EMC2: variants seen among roughly 807,000 people sequenced by gnomAD.
EMC2 encodes the protein TPR repeat protein 35.
EMC2 carries 37 observed loss-of-function variants against 51.6 expected under a neutral mutation model. That is an observed-to-expected ratio of 0.72 (90% CI 0.55 to 0.94). The LOEUF (loss-of-function observed/expected upper bound fraction) is 0.94, where lower values mean the gene tolerates loss of function less well. EMC2 is among the 40% of genes least tolerant of loss of function. The probability of loss-of-function intolerance (pLI) is 0.00; values close to 1 mark genes in which losing one functional copy is unlikely to be tolerated. For synonymous variants in EMC2, 131 were observed against 112.4 expected, an observed-to-expected ratio of 1.17 and a Z score of -1.04; for missense variants, 359 against 350.9, an observed-to-expected ratio of 1.02 and a Z score of -0.18.
At chr8:108,471,879 C>T (rs1453873739) in intron 7 of EMC2, among the ~76,000 whole-genome samples, 1 of 151,882 alleles carries the variant, frequency 6.6e-6, no homozygotes, top group Non-Finnish European at 1.5e-5. Flanking sequence ...AGAATGGTAA[C>T]ATCAATTTAC....
rs34429579 is a variant in EMC2, at chr8:108,486,488, C to CTTTTTTT, written c.808-13_808-7dup. 29 of 1,324,834 alleles carry CTTTTTTT rather than the reference C, an allele frequency of 2.2e-5. 2 individuals are homozygous for CTTTTTTT. Among genetic ancestry groups the CTTTTTTT allele is most frequent in the South Asian group, 1.5e-4 (8 of 51,896 alleles). 82.1% of individuals were successfully genotyped at this position (1,324,834 alleles called of 1,614,324 possible). ...GCCACTGAAATTGAGCCTAATTGAG[C>CTTTTTTT]TTTTTTTTTTTTTTTTTAATTAGTT... On this transcript the variant is annotated intron_variant, in intron 10 of 10. Coordinates refer to ENST00000220853, the MANE Select transcript of EMC2 (RefSeq NM_014673.5).
chr8:108,489,095 G>A lies in EMC2; in HGVS notation c.*2497G>A, dbSNP rs1024845652. On this transcript the variant is annotated 3_prime_UTR_variant, in exon 11 of 11. Coordinates refer to ENST00000220853, the MANE Select transcript of EMC2 (RefSeq NM_014673.5). ...TGAAGGAGGATTAAGGGGATCCTGG[G>A]TCCCTGATATGGCATTGTTGAACAC... Among the ~76,000 whole-genome samples the A allele has an allele frequency of 6.6e-6, 1 of 152,102 alleles. No homozygotes were observed. Among genetic ancestry groups the A allele is most frequent in the East Asian group, 1.9e-4 (1 of 5,194 alleles).
At chr8:108,463,300 G>A (rs1019573933) in intron 5 of EMC2, among the ~76,000 whole-genome samples, 3 of 152,150 alleles carry the variant, frequency 2.0e-5, no homozygotes, top group Admixed American at 6.5e-5. Flanking sequence ...AGAGATTATG[G>A]GAATCTAAAA....
At chr8:108,450,960 G>A (rs957336948) in intron 3 of EMC2, among the ~76,000 whole-genome samples, 1 of 152,182 alleles carries the variant, frequency 6.6e-6, no homozygotes, top group African/African-American at 2.4e-5. Context: ...CCAGCACTTT[G>A]GGAGGCCGAG....
chr8:108,459,721 A>AGAGTGTGTGTGTGT (rs763020311), intron 5 of EMC2, among the ~76,000 whole-genome samples: 2 of 136,878 alleles, frequency 1.5e-5, no homozygotes, highest in African/African-American at 5.9e-5. Context: ...AGAGAGAGAG[A>AGAGTGTGTGTGTGT]GTGTGTGTGT....
At chr8:108,472,842 A>G (rs1810881615) in intron 7 of EMC2, among the ~76,000 whole-genome samples, 1 of 152,002 alleles carries the variant, frequency 6.6e-6, no homozygotes, top group Admixed American at 6.6e-5. Context: ...TTTTTTAAGT[A>G]TAATAGGTCG....
Position 108,479,009 on chromosome 8 carries a change from G to T in EMC2, c.706G>T (p.Ala236Ser). Residue 236 changes from alanine (A) to serine (S), a missense_variant, in exon 10 of 11, where the codon GCA becomes TCA. Physicochemically the swap from Ala to Ser is moderately conservative, Grantham distance 99. Transcript: ENST00000220853. ...TGATGTTTTTATTTGTTTTTAGTCG[G>T]CAAGTCATATTGCTTCTAATCCAAA... is the stretch of plus-strand genomic sequence containing the variant. ...MRALFGLYMS[A>S]SHIASNPKAS... is the part of the protein sequence containing the mutation. 1 of 1,543,988 alleles carries T rather than the reference G, an allele frequency of 6.5e-7. No homozygotes were observed. The highest frequency in any genetic ancestry group is 8.7e-7 in the Non-Finnish European group (1 of 1,145,478).
chr8:108,485,452 T>TACATAGATATAATATATATAGGTA (rs1811118587), intron 10 of EMC2, among the ~76,000 whole-genome samples: 1 of 143,928 alleles, frequency 6.9e-6, no homozygotes, highest in African/African-American at 2.5e-5. Flanking sequence ...TTAATATATA[T>TACATAGATATAATATATATAGGTA]ACATATATAT....
At chr8:108,450,658 C>T (rs748930945) in intron 3 of EMC2, among the ~76,000 whole-genome samples, 166 bp downstream of exon 3, 4 of 152,028 alleles carry the variant, frequency 2.6e-5, no homozygotes, top group Non-Finnish European at 5.9e-5. Flanking sequence ...TATCTTATAT[C>T]TTTTTATTAG....
At chr8:108,468,066 T>TC (rs1453060848) in intron 5 of EMC2, among the ~76,000 whole-genome samples, 5 of 152,192 alleles carry the variant, frequency 3.3e-5, no homozygotes, top group Non-Finnish European at 2.9e-5. Flanking sequence ...GACATTATGC[T>TC]CTGTATATTG....
chr8:108,466,082 A>G (rs1819457770), intron 5 of EMC2, among the ~76,000 whole-genome samples: 1 of 152,202 alleles, frequency 6.6e-6, no homozygotes, highest in Non-Finnish European at 1.5e-5. Flanking sequence ...TGTCATCATA[A>G]TCCTTTCAGA....
chr8:108,453,375 T>C (rs572424606), intron 4 of EMC2, among the ~76,000 whole-genome samples: 2 of 152,286 alleles, frequency 1.3e-5, no homozygotes, highest in South Asian at 4.1e-4. Flanking sequence ...TTTAAAAAAT[T>C]GCGTTATTTT....
chr8:108,471,193 T>C (rs1471983920), intron 7 of EMC2, among the ~76,000 whole-genome samples: 1 of 152,012 alleles, frequency 6.6e-6, no homozygotes, highest in Non-Finnish European at 1.5e-5. Flanking sequence ...TATGTACACA[T>C]ATGTAAACAT....
At chr8:108,484,436 T>C (rs1354156642) in intron 10 of EMC2, among the ~76,000 whole-genome samples, 4 of 152,078 alleles carry the variant, frequency 2.6e-5, no homozygotes, top group Non-Finnish European at 5.9e-5. Flanking sequence ...ATTGCACTGG[T>C]TGTGAGTAAT....
In EMC2 at chr8:108,450,496, G is replaced by T. The variant is rs1481083721; in HGVS notation, c.219+4G>T. ...TGGTCGGGATGACTTGGCATTGGTA[G>T]GTATTTAAATGAAGTATATATTTAA... On this transcript the variant is annotated splice_donor_region_variant and intron_variant, in intron 3 of 10. Transcript: ENST00000220853. 3 of 1,527,184 alleles carry T rather than the reference G, an allele frequency of 2.0e-6. No individual in the cohort carries two copies. In the African/African-American group the frequency reaches 4.1e-5, roughly 21 times the overall value. The allele number at this position is 1,527,184 out of a possible 1,614,324, so 94.6% of individuals were successfully genotyped here. A position where few individuals can be genotyped will look rare whatever the true frequency, so the allele number is the denominator to read the frequency against.
chr8:108,472,598 T>A (rs997266564), intron 7 of EMC2, among the ~76,000 whole-genome samples: 1 of 151,768 alleles, frequency 6.6e-6, no homozygotes, highest in Non-Finnish European at 1.5e-5. Flanking sequence ...TGGAAATGCA[T>A]ATCTACAGGT....
chr8:108,447,942 G>A (rs1282171087), intron 1 of EMC2, among the ~76,000 whole-genome samples: 1 of 151,972 alleles, frequency 6.6e-6, no homozygotes, highest in East Asian at 1.9e-4. Context: ...AAAAATAAAA[G>A]TAACTAGAAT....
chr8:108,467,810 A>T (rs1471324107), intron 5 of EMC2, among the ~76,000 whole-genome samples: 1 of 152,256 alleles, frequency 6.6e-6, no homozygotes, highest in African/African-American at 2.4e-5. Flanking sequence ...AAATAAAGCA[A>T]GTCTGTGCCA....
intron 5 of EMC2, among the ~76,000 whole-genome samples, chr8:108,457,480 G>C (rs1325042866): frequency 1.3e-5 from 2 of 151,908 alleles, no homozygotes; most frequent in Non-Finnish European, 2.9e-5. Context: ...AGGTTTATTG[G>C]ACTTACAGTT....
Sources: gnomAD v4.1 joint callset for allele counts (sites outside exome capture counted in the v4.1 genomes callset) on GRCh38, gnomAD v4.1.1 for gene constraint, MANE v1.5 for transcripts, NCBI Gene and HGNC (gene_info 2026-07-23, HGNC 2026-07-21) for gene names.